Variants in DNER observed in about 807,000 individuals in gnomAD.
The protein encoded by DNER is delta/notch like EGF repeat containing.
A neutral mutation model predicts 78.2 loss-of-function variants in DNER; 33 were observed. That is an observed-to-expected ratio of 0.42 (90% CI 0.32 to 0.56). The LOEUF is 0.56. DNER is among the 20% of genes least tolerant of loss of function. The pLI, the probability that DNER is intolerant of heterozygous loss-of-function variation, is 0.11. For missense variants in DNER, 918 were observed against 975.3 expected (o/e 0.94, Z 0.78); for synonymous variants, 417 against 384.8 (o/e 1.08, Z -0.98).
chr2:229,663,353 A>G (rs1055015192), intron 1 of DNER, among the ~76,000 whole-genome samples: 2 of 152,066 alleles, frequency 1.3e-5, no homozygotes, highest in African/African-American at 2.4e-5. Flanking sequence ...TCCAAAGCCA[A>G]TTTTTTTCCA....
At chr2:229,377,570 C>T (rs1233236050) in intron 11 of DNER, among the ~76,000 whole-genome samples, 1 of 152,106 alleles carries the variant, frequency 6.6e-6, no homozygotes, top group Non-Finnish European at 1.5e-5. Flanking sequence ...TTTTCATTTG[C>T]CTTAAAACAT....
Position 229,410,903 on chromosome 2 carries a change from C to A in DNER, c.1610-3558G>T, listed in dbSNP as rs6753093. ...ACACTTAATATTTACTTTAAGACAT[C>A]GTCTCATTTCATCCAAACTTACTTC... On this transcript the variant is annotated intron_variant, in intron 9 of 12. Transcript: ENST00000341772. Among the ~76,000 whole-genome samples the A allele has an allele frequency of 5.3e-5, 8 of 151,860 alleles. No individual in the cohort carries two copies. The East Asian group carries it at 1.6e-3, about 29-fold the overall frequency.
chr2:229,599,232 T>C (rs1697781963), intron 1 of DNER, among the ~76,000 whole-genome samples: 1 of 152,264 alleles, frequency 6.6e-6, no homozygotes, highest in South Asian at 2.1e-4. Flanking sequence ...GGAATTTGTG[T>C]ATGGTATTAA....
In DNER at chr2:229,480,890, C is replaced by A. The variant is rs76993097; in HGVS notation, c.1148-3637G>T. On this transcript the variant is annotated intron_variant, in intron 6 of 12. Transcript: ENST00000341772. ...ATGGAGAAAAAGATTATGTGTAATG[C>A]TCTAGACCCGTAAAGTATGAGCATA... Among the ~76,000 whole-genome samples, 703 of 152,296 alleles carry A rather than the reference C, an allele frequency of 4.6e-3. 43 individuals carry two copies. The East Asian group carries it at 0.12, about 26-fold the overall frequency.
intron 1 of DNER, among the ~76,000 whole-genome samples, chr2:229,700,301 T>TGTGTGTGTGTGTGTGA (rs1426849067): frequency 1.1e-4 from 17 of 151,210 alleles, no homozygotes; most frequent in East Asian, 9.7e-4. Context: ...TGTGTGTGTG[T>TGTGTGTGTGTGTGTGA]GTGTGTGTGT....
At chr2:229,566,053 A>C (rs1344188436) in intron 4 of DNER, among the ~76,000 whole-genome samples, 1 of 152,182 alleles carries the variant, frequency 6.6e-6, no homozygotes, top group Non-Finnish European at 1.5e-5. Flanking sequence ...TGAATGTCGA[A>C]ATAATAATAA....
chr2:229,704,320 TACC>T (rs1238181100), intron 1 of DNER, among the ~76,000 whole-genome samples: 1 of 152,178 alleles, frequency 6.6e-6, no homozygotes, highest in African/African-American at 2.4e-5. Context: ...AACACGCACT[TACC>T]ACATGACCCA....
intron 1 of DNER, among the ~76,000 whole-genome samples, chr2:229,640,355 G>A (rs898960083): frequency 1.3e-5 from 2 of 152,204 alleles, no homozygotes; most frequent in Admixed American, 6.5e-5. Flanking sequence ...GTATAGAAAT[G>A]TGCCAAATTA....
At chr2:229,407,035 A>C (rs1300727065) in intron 10 of DNER, among the ~76,000 whole-genome samples, 197 bp downstream of exon 10, 1 of 152,218 alleles carries the variant, frequency 6.6e-6, no homozygotes. Context: ...CAACCATCTC[A>C]GAAAAGCCTC....
intron 8 of DNER, among the ~76,000 whole-genome samples, chr2:229,439,878 G>C (rs1296788392): frequency 6.6e-6 from 1 of 152,188 alleles, no homozygotes; most frequent in Non-Finnish European, 1.5e-5. Context: ...GATTTCTGCT[G>C]TCCTCACAGA....
At chr2:229,498,253 A>C (rs1444404695) in intron 6 of DNER, among the ~76,000 whole-genome samples, 1 of 152,180 alleles carries the variant, frequency 6.6e-6, no homozygotes, top group Non-Finnish European at 1.5e-5. Flanking sequence ...ACTCTTAACA[A>C]ACTAGGTATA....
intron 1 of DNER, among the ~76,000 whole-genome samples, chr2:229,653,703 C>A (rs554378186): frequency 1.3e-5 from 2 of 152,150 alleles, no homozygotes; most frequent in Non-Finnish European, 2.9e-5. Flanking sequence ...TGGAGTAAAA[C>A]CAGCTCCCAT....
intron 10 of DNER, among the ~76,000 whole-genome samples, chr2:229,406,175 C>T (rs758800858): frequency 8.5e-5 from 13 of 152,130 alleles, no homozygotes; most frequent in Non-Finnish European, 1.5e-4. Flanking sequence ...TGAAATTCTC[C>T]GGGGCTTGGG....
intron 1 of DNER, among the ~76,000 whole-genome samples, chr2:229,638,726 A>G (rs1239312736): frequency 6.6e-6 from 1 of 152,228 alleles, no homozygotes; most frequent in Non-Finnish European, 1.5e-5. Flanking sequence ...TGCAAAACCT[A>G]TAGCCAAAAG....
intron 5 of DNER, among the ~76,000 whole-genome samples, chr2:229,522,018 T>G (rs1696109185): frequency 6.6e-6 from 1 of 152,070 alleles, no homozygotes; most frequent in East Asian, 1.9e-4. Flanking sequence ...TGTTGTAGCT[T>G]ATTATAAAAA....
intron 1 of DNER, among the ~76,000 whole-genome samples, chr2:229,619,904 C>A (rs1030234796): frequency 6.6e-6 from 1 of 152,186 alleles, no homozygotes; most frequent in Non-Finnish European, 1.5e-5. Flanking sequence ...TCTCACCCCA[C>A]GGGTCATTCT....
At chr2:229,371,884 G>A (rs1692491283) in intron 11 of DNER, among the ~76,000 whole-genome samples, 1 of 152,220 alleles carries the variant, frequency 6.6e-6, no homozygotes, top group Non-Finnish European at 1.5e-5. Flanking sequence ...TTCTTAAGAA[G>A]ATGTTACTTA....
intron 1 of DNER, among the ~76,000 whole-genome samples, chr2:229,643,153 G>T (rs1318937118): frequency 1.3e-5 from 2 of 152,102 alleles, no homozygotes; most frequent in Non-Finnish European, 2.9e-5. Context: ...GGAAATGGAG[G>T]TTGCAGTGAA....
intron 10 of DNER, among the ~76,000 whole-genome samples, chr2:229,391,610 C>G (rs746876519): frequency 2.6e-5 from 4 of 152,138 alleles, no homozygotes; most frequent in Non-Finnish European, 5.9e-5. Context: ...GGCACAATCT[C>G]GGCTCACTGC....
Sources: gnomAD v4.1 joint callset for allele counts (sites outside exome capture counted in the v4.1 genomes callset) on GRCh38, gnomAD v4.1.1 for gene constraint, MANE v1.5 for transcripts, NCBI Gene and HGNC (gene_info 2026-07-23, HGNC 2026-07-21) for gene names.